KTN1: variants seen among roughly 807,000 people sequenced by gnomAD.
KTN1 encodes the protein kinectin 1.
In KTN1, 130 loss-of-function variants were observed where a neutral mutation model predicts 222.5. The observed-to-expected ratio is 0.58, with a 90% CI of 0.51 to 0.68. The LOEUF is 0.68. Among genes scored for constraint, KTN1 ranks in the 30% least tolerant of loss-of-function variants. The probability of loss-of-function intolerance (pLI) is 0.00; values close to 1 mark genes in which losing one functional copy is unlikely to be tolerated. For synonymous variants in KTN1, 512 were observed against 496.3 expected, an observed-to-expected ratio of 1.03 and a Z score of -0.42; for missense variants, 1,508 against 1,500.4, an observed-to-expected ratio of 1.01 and a Z score of -0.08.
intron 1 of KTN1, among the ~76,000 whole-genome samples, chr14:55,588,702 T>C (rs2033529035): frequency 6.6e-6 from 1 of 152,222 alleles, no homozygotes; most frequent in Non-Finnish European, 1.5e-5. Flanking sequence ...GATTTGGTAC[T>C]GTATCTTGAC....
rs542418255 is a variant in KTN1 at position 55,658,898 on chromosome 14, C to A, written c.2961+284C>A. On this transcript the variant is annotated intron_variant, in intron 30 of 43. Transcript: ENST00000395314. ...AATTCTTAGCAAGTCAGTTTAAATA[C>A]TGTAGAGGTTGGGTTAAAGATATGT... is the stretch of plus-strand genomic sequence containing the variant. Among the ~76,000 whole-genome samples, 4 of 152,244 alleles carry A rather than the reference C, an allele frequency of 2.6e-5. No homozygotes were observed. In the South Asian group the frequency reaches 8.3e-4, roughly 32 times the overall value.
At chr14:55,643,270 A>G (rs190439935) in intron 18 of KTN1, among the ~76,000 whole-genome samples, 28 of 152,258 alleles carry the variant, frequency 1.8e-4, no homozygotes, top group African/African-American at 6.3e-4. Flanking sequence ...TATGATACCA[A>G]TTATAAGATT....
Position 55,612,157 on chromosome 14 carries a change from G to C in KTN1, c.109G>C (p.Val37Leu). 6.3e-7 allele frequency: 1 copy of C among 1,583,100 alleles called. No individual in the cohort carries two copies. The highest frequency in any genetic ancestry group is 8.5e-7 in the Non-Finnish European group (1 of 1,171,420). The change falls in exon 2 of 44, where the codon GTT becomes CTT. Residue 37 changes from valine (V) to leucine (L), a missense_variant. Transcript: ENST00000395314. ...CATGAAAGAAACATTATATGATGAAGTTCTTGCAAAACAGAAAAGAGAACA... is the reference window on the plus strand; with the variant it reads ...CATGAAAGAAACATTATATGATGAACTTCTTGCAAAACAGAAAAGAGAACA... ...LFMKETLYDE[V>L]LAKQKREQKL... is the part of the protein sequence containing the mutation.
intron 1 of KTN1, among the ~76,000 whole-genome samples, chr14:55,590,493 ATTTC>A (rs1479661802): frequency 6.6e-6 from 1 of 151,972 alleles, no homozygotes; most frequent in Non-Finnish European, 1.5e-5. Context: ...AATCCTTTTT[ATTTC>A]TTTATGTCCC....
At chr14:55,626,892 C>T (rs780284508) in intron 5 of KTN1, among the ~76,000 whole-genome samples, 1 of 151,350 alleles carries the variant, frequency 6.6e-6, no homozygotes, top group Non-Finnish European at 1.5e-5. Context: ...CTTCTTGAGA[C>T]CTTCTTCCAA....
intron 31 of KTN1, among the ~76,000 whole-genome samples, chr14:55,660,123 G>A (rs1206702653): frequency 3.3e-5 from 5 of 152,166 alleles, no homozygotes; most frequent in African/African-American, 1.2e-4. Flanking sequence ...GCTCACGCCT[G>A]TAATCCCAGC....
Position 55,633,224 on chromosome 14 carries a change from A to G in KTN1, c.1222-11A>G. ...TGTTTTCTAAGTTTTATGTGTGTAA[A>G]ATAATTTTAGTTTCAGCAAGTTCGT... On this transcript the variant is annotated splice_polypyrimidine_tract_variant and intron_variant, in intron 7 of 43. Transcript: ENST00000395314. 6.5e-7 allele frequency: 1 copy of G among 1,533,952 alleles called. No homozygotes were observed. The highest frequency in any genetic ancestry group is 8.8e-7 in the Non-Finnish European group (1 of 1,132,750).
At chr14:55,652,128 T>A (rs982007234) in intron 25 of KTN1, among the ~76,000 whole-genome samples, 1 of 152,206 alleles carries the variant, frequency 6.6e-6, no homozygotes, top group African/African-American at 2.4e-5. Context: ...AGGTAGGAAG[T>A]CTTTTCATGA....
intron 1 of KTN1, among the ~76,000 whole-genome samples, chr14:55,598,446 A>G (rs2035426679): frequency 6.6e-6 from 1 of 152,100 alleles, no homozygotes; most frequent in Non-Finnish European, 1.5e-5. Flanking sequence ...AAAAAAAAAA[A>G]AAAAAGAATA....
At chr14:55,600,670 A>C (rs1047453643) in intron 1 of KTN1, among the ~76,000 whole-genome samples, 31 of 152,150 alleles carry the variant, frequency 2.0e-4, no homozygotes, top group Non-Finnish European at 4.4e-4. Context: ...GTAGATTTTA[A>C]GGGGAGGAAA....
chr14:55,598,808 C>A (rs1261794486), intron 1 of KTN1, among the ~76,000 whole-genome samples: 2 of 152,202 alleles, frequency 1.3e-5, no homozygotes, highest in African/African-American at 4.8e-5. Flanking sequence ...CACAACGTTA[C>A]AACAAATGTT....
At chr14:55,641,597 T>G (rs2041810304) in intron 17 of KTN1, 95 bp from the exon 18 acceptor site, 4 of 807,772 alleles carry the variant, frequency 5.0e-6, no homozygotes, top group Non-Finnish European at 8.7e-6. Flanking sequence ...GACTGAAAGC[T>G]GAGATAAAGG....
chr14:55,673,231 AAGAC>A lies in KTN1; in HGVS notation c.3751_3754del (p.Gln1251MetfsTer4), dbSNP rs774356279. ...TTGATGATTCATATTCTGAAGCAGT[AAGAC>A]AGAATGAAGAGCTAAATTTGGTAAG... On this transcript the variant is annotated frameshift_variant, in exon 40 of 44. Coordinates refer to ENST00000395314, the MANE Select transcript of KTN1 (RefSeq NM_001079521.2). LOFTEE classifies it high-confidence loss of function. 2 of 1,612,174 alleles carry A rather than the reference AAGAC, an allele frequency of 1.2e-6. No homozygotes were observed. Among genetic ancestry groups the A allele is most frequent in the African/African-American group, 1.3e-5 (1 of 74,880 alleles).
intron 28 of KTN1, among the ~76,000 whole-genome samples, chr14:55,654,880 AC>A (rs1385193436): frequency 2.6e-5 from 4 of 151,618 alleles, no homozygotes; most frequent in African/African-American, 9.7e-5. Flanking sequence ...TCCCGGCAGC[AC>A]CCCCCGGCAA....
At position 55,652,926 on chromosome 14, in the gene KTN1, G is replaced by A. The variant is rs200009070; in HGVS notation, c.2680G>A (p.Gly894Arg). ...EEKEKDLANT[G>R]KWLQDLQEEN... ...GAAAGAGAAAGACCTAGCCAATACA[G>A]GGAAGTGGTTACAGGTGAGAAATTA... The change falls in exon 26 of 44, where the codon GGG becomes AGG. Residue 894 changes from glycine (G) to arginine (R), a missense_variant. Physicochemically the swap from Gly to Arg is moderately radical, Grantham distance 125. Transcript: ENST00000395314. 1 of 1,610,492 alleles carries A rather than the reference G, an allele frequency of 6.2e-7. No individual in the cohort carries two copies.
At chr14:55,603,644 A>G (rs1338952197) in intron 1 of KTN1, among the ~76,000 whole-genome samples, 2 of 152,038 alleles carry the variant, frequency 1.3e-5, no homozygotes, top group Non-Finnish European at 2.9e-5. Context: ...TTTGTTTGGG[A>G]TTTTATCCAA....
intron 4 of KTN1, among the ~76,000 whole-genome samples, chr14:55,618,478 A>T (rs1161491959): frequency 1.3e-5 from 2 of 152,038 alleles, no homozygotes; most frequent in Admixed American, 1.3e-4. Flanking sequence ...AATTCATTGG[A>T]AAGTTCAGAG....
rs1006003751 is a variant in KTN1 at position 55,637,977 on chromosome 14, C to T, written c.1785+130C>T. On this transcript the variant is annotated intron_variant, in intron 12 of 43. Coordinates refer to ENST00000395314, the MANE Select transcript of KTN1 (RefSeq NM_001079521.2). ...AGTCAATGAATCAACAAATGATGAT[C>T]CTGAGTGCTAAACACTTGCTAATTA... is the stretch of plus-strand genomic sequence containing the variant. 1.4e-5 allele frequency: 9 copies of T among 647,328 alleles called. No individual in the cohort carries two copies. The East Asian group carries it at 2.4e-4, about 17-fold the overall frequency. 40.1% of individuals were successfully genotyped at this position (647,328 alleles called of 1,614,324 possible).
At chr14:55,617,088 A>G (rs542319443) in intron 3 of KTN1, among the ~76,000 whole-genome samples, 1 of 152,238 alleles carries the variant, frequency 6.6e-6, no homozygotes, top group Non-Finnish European at 1.5e-5. Context: ...GCATCAGATT[A>G]TAAGAGATGG....
Sources: allele counts gnomAD v4.1 joint callset (sites outside exome capture counted in the v4.1 genomes callset), GRCh38; gene constraint gnomAD v4.1.1; transcripts MANE v1.5; gene names NCBI Gene and HGNC (gene_info 2026-07-23, HGNC 2026-07-21).